The following KHDRBS1 variants were observed in gnomAD, a reference collection of about 807,000 sequenced individuals.
KHDRBS1 encodes the protein KH domain-containing, RNA-binding, signal transduction-associated protein 1.
A neutral mutation model predicts 48.4 loss-of-function variants in KHDRBS1; 7 were observed. The observed-to-expected ratio is 0.14, with a 90% confidence interval of 0.08 to 0.27. The LOEUF (loss-of-function observed/expected upper bound fraction) is 0.27. Among genes scored for constraint, KHDRBS1 ranks in the 10% least tolerant of loss-of-function variants. The probability of loss-of-function intolerance (pLI) is 1.00; values close to 1 mark genes in which losing one functional copy is unlikely to be tolerated. For synonymous variants in KHDRBS1, 241 were observed against 235.8 expected (o/e 1.02, Z -0.20); for missense variants, 458 against 601.2 (o/e 0.76, Z 2.49).
At chr1:32,045,307 G>A (rs533089322), downstream of KHDRBS1, 1 of 152,586 alleles carries the variant, frequency 6.6e-6, no homozygotes, top group African/African-American at 2.4e-5. Context: ...TCAAAAGACT[G>A]ATCTGTTATT....
intron 1 of KHDRBS1, among the ~76,000 whole-genome samples, chr1:32,029,127 C>T (rs1012205380): frequency 1.3e-5 from 2 of 152,132 alleles, no homozygotes; most frequent in African/African-American, 4.8e-5. Flanking sequence ...CTTGCAGTCA[C>T]TCAATGAATG....
Position 32,021,985 on chromosome 1 carries a change from G to A in KHDRBS1, c.382+7608G>A, listed in dbSNP as rs188988584. ...TTTTTTTTTTTTTTTTAAGGAGATG[G>A]AGTCTTGCTCTGTCACCCAGGCTGG... On this transcript the variant is annotated intron_variant, in intron 1 of 8. Transcript: ENST00000327300. Among the ~76,000 whole-genome samples the A allele has an allele frequency of 2.5e-3, 364 of 147,904 alleles. 1 individual carries two copies. The highest frequency in any genetic ancestry group is 8.9e-3 in the African/African-American group (356 of 39,934).
At position 32,013,943 on chromosome 1, in the gene KHDRBS1, C is replaced by A; in HGVS notation, c.-53C>A. On this transcript the variant is annotated 5_prime_UTR_variant, in exon 1 of 9. Coordinates refer to ENST00000327300, the MANE Select transcript of KHDRBS1 (RefSeq NM_006559.3). ...CCACCCCCGCCAACCGCCGCTCGGG[C>A]CTCCGTCGCTGCCGCGTCGCTTTCT... is the stretch of plus-strand genomic sequence containing the variant. 7.2e-7 allele frequency: 1 copy of A among 1,379,752 alleles called. No individual in the cohort carries two copies. The allele number at this position is 1,379,752 out of a possible 1,614,324, so 85.5% of individuals were successfully genotyped here.
chr1:32,036,258 G>A (rs1368953855), intron 4 of KHDRBS1, among the ~76,000 whole-genome samples: 6 of 131,632 alleles, frequency 4.6e-5, no homozygotes, highest in Non-Finnish European at 7.7e-5. Flanking sequence ...TGCAAGCTCC[G>A]CCTCCCGGGT....
chr1:32,041,219 T>G (rs537238343), intron 8 of KHDRBS1, among the ~76,000 whole-genome samples: 3 of 152,258 alleles, frequency 2.0e-5, no homozygotes, highest in Non-Finnish European at 2.9e-5. Flanking sequence ...AAAAAGAAAC[T>G]GTCTTGTTGA....
Position 32,039,590 on chromosome 1 carries a change from G to C in KHDRBS1, c.1234+17G>C, listed in dbSNP as rs371475604. Reference sequence around the variant, plus strand: ...AAGCTTATGGTATGTCTTTATCTCTGTGGTGGGGCAGAATGTACAAGTAAG... The same window carrying C: ...AAGCTTATGGTATGTCTTTATCTCTCTGGTGGGGCAGAATGTACAAGTAAG... On this transcript the variant is annotated intron_variant, in intron 8 of 8. Transcript: ENST00000327300. The C allele has an allele frequency of 1.3e-5, 17 of 1,334,490 alleles. No individual in the cohort carries two copies. The highest frequency in any genetic ancestry group is 1.7e-5 in the Non-Finnish European group (16 of 924,914). 82.7% of individuals were successfully genotyped at this position (1,334,490 alleles called of 1,614,324 possible).
intron 6 of KHDRBS1, 50 bp from the exon 7 acceptor site, chr1:32,038,500 ACT>A (rs2124385809): frequency 6.4e-7 from 1 of 1,566,652 alleles, no homozygotes; most frequent in South Asian, 1.1e-5. Flanking sequence ...TACCTTTCCT[ACT>A]CTCTATGATT....
chr1:32,015,016 C>T (rs1382156488), intron 1 of KHDRBS1, among the ~76,000 whole-genome samples: 2 of 152,132 alleles, frequency 1.3e-5, no homozygotes, highest in African/African-American at 4.8e-5. Flanking sequence ...TGCTACTGAG[C>T]CATTTTACAC....
chr1:32,039,560 T>A lies in KHDRBS1; in HGVS notation c.1221T>A (p.Ser407=). 6.7e-7 allele frequency: 1 copy of A among 1,503,000 alleles called. No homozygotes were observed. Among genetic ancestry groups the A allele is most frequent in the Non-Finnish European group, 9.3e-7 (1 of 1,078,726 alleles). 93.1% of individuals were successfully genotyped at this position (1,503,000 alleles called of 1,614,324 possible). A position where few individuals can be genotyped will look rare whatever the true frequency, so the allele number is the denominator to read the frequency against. ...YDYGHGEVQD[S]YEAYGQDDWN... Reference sequence around the variant, plus strand: ...ATGGACATGGGGAGGTTCAAGATTCTTATGAAGCTTATGGTATGTCTTTAT... The same window carrying A: ...ATGGACATGGGGAGGTTCAAGATTCATATGAAGCTTATGGTATGTCTTTAT... Residue 407 remains serine, a synonymous_variant, in exon 8 of 9, where the codon TCT becomes TCA. Transcript: ENST00000327300.
At chr1:32,018,182 C>T (rs910859120) in intron 1 of KHDRBS1, among the ~76,000 whole-genome samples, 6 of 152,100 alleles carry the variant, frequency 3.9e-5, no homozygotes, top group Non-Finnish European at 7.4e-5. Flanking sequence ...AAATAAGGGC[C>T]GGGCCTGGTG....
At chr1:32,018,721 C>T (rs1478500414) in intron 1 of KHDRBS1, among the ~76,000 whole-genome samples, 3 of 151,644 alleles carry the variant, frequency 2.0e-5, no homozygotes, top group African/African-American at 7.3e-5. Flanking sequence ...CGCGCCACTG[C>T]ACTCCAGCCT....
At chr1:32,041,255 T>A (rs1363289704) in intron 8 of KHDRBS1, among the ~76,000 whole-genome samples, 1 of 152,200 alleles carries the variant, frequency 6.6e-6, no homozygotes, top group Non-Finnish European at 1.5e-5. Context: ...TGGAAAGTGA[T>A]GGACATGTGT....
chr1:32,055,192 G>A (rs1257305733), intron 10 of KHDRBS1, among the ~76,000 whole-genome samples: 3 of 152,118 alleles, frequency 2.0e-5, no homozygotes, highest in Admixed American at 6.6e-5. Context: ...GGTCACGCCG[G>A]TAATCCCAGC....
chr1:32,026,804 TTTG>T (rs1161379490), intron 1 of KHDRBS1, among the ~76,000 whole-genome samples: 3 of 152,264 alleles, frequency 2.0e-5, no homozygotes, highest in South Asian at 2.1e-4. Flanking sequence ...CACATTCTTT[TTTG>T]TTGTTGTGAT....
chr1:32,033,422 T>C, intron 4 of KHDRBS1, 88 bp downstream of exon 4: 1 of 1,551,046 alleles, frequency 6.4e-7, no homozygotes, highest in Non-Finnish European at 8.8e-7. Context: ...AACTAAGGTC[T>C]CTGCATAACC....
chr1:32,044,637 ATGTATT>A (rs1370026632), downstream of KHDRBS1, among the ~76,000 whole-genome samples: 8 of 152,240 alleles, frequency 5.3e-5, no homozygotes, highest in African/African-American at 4.8e-5. Context: ...CAACAAAAAA[ATGTATT>A]TGTAGATTGT....
intron 7 of KHDRBS1, 137 bp from the exon 8 acceptor site, chr1:32,039,378 C>T (rs748912956): frequency 6.3e-5 from 40 of 637,496 alleles, no homozygotes; most frequent in South Asian, 4.7e-4. Context: ...AAATACTTTA[C>T]GGTTTAGGGA....
chr1:32,027,219 A>C (rs1246744279), intron 1 of KHDRBS1, among the ~76,000 whole-genome samples: 1 of 152,140 alleles, frequency 6.6e-6, no homozygotes, highest in Non-Finnish European at 1.5e-5. Flanking sequence ...GGCATGAGCC[A>C]CCTCTCCTGG....
chr1:32,018,862 G>A (rs1237971133), intron 1 of KHDRBS1, among the ~76,000 whole-genome samples: 1 of 152,210 alleles, frequency 6.6e-6, no homozygotes, highest in Non-Finnish European at 1.5e-5. Context: ...CTTGAGGTCA[G>A]AAGTTCGAGA....
Sources: allele counts gnomAD v4.1 joint callset (sites outside exome capture counted in the v4.1 genomes callset), GRCh38; gene constraint gnomAD v4.1.1; transcripts MANE v1.5; gene names NCBI Gene and HGNC (gene_info 2026-07-23, HGNC 2026-07-21).